The following LRRC3C variants were observed in gnomAD, a reference collection of about 807,000 sequenced individuals.
The protein encoded by LRRC3C is leucine rich repeat containing 3C.
A neutral mutation model predicts 14.8 loss-of-function variants in LRRC3C; 11 were observed. The ratio of observed to expected loss-of-function variants is 0.74; its 90% CI spans 0.47 to 1.23. The LOEUF (loss-of-function observed/expected upper bound fraction) is 1.23, where lower values mean the gene tolerates loss of function less well. LRRC3C is among the 50% of genes most tolerant of loss of function. The pLI is 0.00. For synonymous variants in LRRC3C, 149 were observed against 161.5 expected, an observed-to-expected ratio of 0.92 and a Z score of 0.59; for missense variants, 354 against 361.8, an observed-to-expected ratio of 0.98 and a Z score of 0.18.
At chr17:39,930,346 A>C (rs1271351807) in intron 1 of LRRC3C, among the ~76,000 whole-genome samples, 1 of 141,344 alleles carries the variant, frequency 7.1e-6, no homozygotes, top group Admixed American at 7.4e-5. Flanking sequence ...AAATTAAATG[A>C]TATATCAACT....
intron 3 of LRRC3C, among the ~76,000 whole-genome samples, chr17:39,941,920 G>C (rs900964828): frequency 1.3e-5 from 2 of 152,100 alleles, no homozygotes; most frequent in African/African-American, 4.8e-5. Flanking sequence ...TCCCAGCACC[G>C]AACTGGAGAT....
chr17:39,941,115 C>T (rs1196051346), intron 2 of LRRC3C, among the ~76,000 whole-genome samples: 6 of 151,292 alleles, frequency 4.0e-5, no homozygotes, highest in Non-Finnish European at 7.4e-5. Context: ...TTTGGGAGGC[C>T]GAAGTGGGTG....
rs958904279 is a variant in LRRC3C at position 39,927,763 on chromosome 17, C to T, written c.-226C>T. The T allele has an allele frequency of 4.1e-6, 4 of 985,366 alleles. No homozygotes were observed. Among genetic ancestry groups the T allele is most frequent in the Non-Finnish European group, 4.8e-6 (4 of 829,992 alleles). The allele number at this position is 985,366 out of a possible 1,614,324, so 61.0% of individuals were successfully genotyped here. The stretch of plus-strand genomic sequence containing the variant: ...CGTTCCCGGCCTCTTCGGGGACGCA[C>T]GGTTGGAAGTTGTACCGTGACGTGA... On this transcript the variant is annotated 5_prime_UTR_variant, in exon 1 of 4. The change creates a new upstream start codon in the 5' untranslated region. Transcript: ENST00000377924.
chr17:39,939,171 TGAA>T (rs1978876764), intron 2 of LRRC3C, among the ~76,000 whole-genome samples: 2 of 152,274 alleles, frequency 1.3e-5, no homozygotes, highest in African/African-American at 4.8e-5. Context: ...CAAAGGAGAT[TGAA>T]GAAGTAGGCA....
At position 39,934,246 on chromosome 17, in the gene LRRC3C, C is replaced by T. The variant is rs1469699243; in HGVS notation, c.-174-1556C>T. Among the ~76,000 whole-genome samples the T allele has an allele frequency of 1.3e-5, 2 of 152,200 alleles. 1 individual carries two copies. The highest frequency in any genetic ancestry group is 4.8e-5 in the African/African-American group (2 of 41,430). On this transcript the variant is annotated intron_variant, in intron 1 of 3. Transcript: ENST00000377924. ...GGAGGTACCTTAGGAACCCTTCAAC[C>T]TGCATATTCTTTGATATGGACAATT...
chr17:39,943,896 G>A (rs904491918), intron 3 of LRRC3C, 37 bp from the exon 4 acceptor site: 1 of 1,530,832 alleles, frequency 6.5e-7, no homozygotes, highest in South Asian at 1.2e-5. Flanking sequence ...CGATTCTCTT[G>A]ACTCACTCCT....
At chr17:39,939,023 A>G (rs1298305046) in intron 2 of LRRC3C, among the ~76,000 whole-genome samples, 12 of 151,642 alleles carry the variant, frequency 7.9e-5, no homozygotes, top group South Asian at 2.1e-4. Flanking sequence ...CTCAAAGAAA[A>G]AAAAAAAAAA....
At chr17:39,936,418 A>G (rs1029834291) in intron 2 of LRRC3C, among the ~76,000 whole-genome samples, 1 of 151,972 alleles carries the variant, frequency 6.6e-6, no homozygotes, top group African/African-American at 2.4e-5. Flanking sequence ...ATCATCTCAC[A>G]CCTAGACCTT....
intron 1 of LRRC3C, among the ~76,000 whole-genome samples, chr17:39,933,690 G>A (rs28758201): frequency 9.9e-5 from 15 of 152,100 alleles, no homozygotes; most frequent in African/African-American, 2.2e-4. Flanking sequence ...CCGAGATGGC[G>A]CCACAGCACT....
intron 3 of LRRC3C, among the ~76,000 whole-genome samples, chr17:39,943,386 T>TG (rs1168684182): frequency 6.6e-5 from 10 of 151,836 alleles, no homozygotes; most frequent in Admixed American, 2.0e-4. Context: ...GGCAGAGGGG[T>TG]GGATGCTCCC....
chr17:39,932,219 G>A (rs1978668623), intron 1 of LRRC3C, among the ~76,000 whole-genome samples: 1 of 152,114 alleles, frequency 6.6e-6, no homozygotes, highest in Non-Finnish European at 1.5e-5. Flanking sequence ...AATGAAGATG[G>A]CGATGATCAT....
intron 1 of LRRC3C, chr17:39,934,555 C>T (rs56199421): frequency 0.51 from 78,064 of 151,962 alleles, 20,493 homozygotes; most frequent in East Asian, 0.57. Flanking sequence ...TACAGAACCA[C>T]CTCCCCCTGG....
At chr17:39,927,854 G>A in intron 1 of LRRC3C, 40 bp downstream of exon 1, 1 of 985,668 alleles carries the variant, frequency 1.0e-6, no homozygotes, top group Non-Finnish European at 1.2e-6. Flanking sequence ...TGCCCTTCAA[G>A]TGTATTTTAT....
In LRRC3C at chr17:39,944,404, C is replaced by T. The variant is rs747687968; in HGVS notation, c.498C>T (p.Cys166=). The T allele has an allele frequency of 1.1e-4, 163 of 1,507,236 alleles. 1 individual carries two copies. The Middle Eastern group carries it at 1.4e-3, about 13-fold the overall frequency. 93.4% of individuals were successfully genotyped at this position (1,507,236 alleles called of 1,614,324 possible). A position where few individuals can be genotyped will look rare whatever the true frequency, so the allele number is the denominator to read the frequency against. Residue 166 remains cysteine (C), a synonymous_variant, in exon 4 of 4, where the codon TGC becomes TGT. Coordinates refer to ENST00000377924, the MANE Select transcript of LRRC3C (RefSeq NM_001195545.2). ...NLSANPWHCD[C]ALQEVLRQVR... Reference sequence around the variant, plus strand: ...CCGCAAACCCATGGCACTGTGACTGCGCCCTCCAGGAAGTGCTCCGGCAGG... The same window carrying T: ...CCGCAAACCCATGGCACTGTGACTGTGCCCTCCAGGAAGTGCTCCGGCAGG...
intron 1 of LRRC3C, among the ~76,000 whole-genome samples, chr17:39,932,794 G>A (rs556228151): frequency 2.8e-4 from 43 of 151,928 alleles, no homozygotes; most frequent in Non-Finnish European, 5.0e-4. Flanking sequence ...GCTAGCGCCT[G>A]TAATCCCAGC....
At position 39,944,398 on chromosome 17, in the gene LRRC3C, T is replaced by A; in HGVS notation, c.492T>A (p.Cys164Ter). The change falls in exon 4 of 4, where the codon TGT (cysteine) becomes TGA (stop). Residue 164 changes from cysteine (C) to a stop codon, truncating the protein, a stop_gained. Coordinates refer to ENST00000377924, the MANE Select transcript of LRRC3C (RefSeq NM_001195545.2). LOFTEE classifies it high-confidence loss of function. ...ACCTATCCGCAAACCCATGGCACTGTGACTGCGCCCTCCAGGAAGTGCTCC... is the reference window on the plus strand; with the variant it reads ...ACCTATCCGCAAACCCATGGCACTGAGACTGCGCCCTCCAGGAAGTGCTCC... ...QVNLSANPWH[C>*]DCALQEVLRQ... is the part of the protein sequence containing the mutation. The A allele has an allele frequency of 6.6e-7, 1 of 1,511,602 alleles. No homozygotes were observed. Among genetic ancestry groups the A allele is most frequent in the Non-Finnish European group, 8.8e-7 (1 of 1,134,348 alleles). 93.6% of individuals were successfully genotyped at this position (1,511,602 alleles called of 1,614,324 possible).
intron 1 of LRRC3C, among the ~76,000 whole-genome samples, chr17:39,932,828 GATC>G (rs1978687284): frequency 6.6e-6 from 1 of 151,902 alleles, no homozygotes; most frequent in African/African-American, 2.4e-5. Context: ...GAGGCAGGTG[GATC>G]ATCTGAGGTC....
At chr17:39,940,336 A>G (rs1288640205) in intron 2 of LRRC3C, among the ~76,000 whole-genome samples, 1 of 152,170 alleles carries the variant, frequency 6.6e-6, no homozygotes, top group Non-Finnish European at 1.5e-5. Context: ...GAGGTCCCAC[A>G]AGACCTCATG....
chr17:39,940,319 G>A (rs1045931171), intron 2 of LRRC3C, among the ~76,000 whole-genome samples: 7 of 152,186 alleles, frequency 4.6e-5, no homozygotes, highest in Admixed American at 1.3e-4. Flanking sequence ...ACAGGCATGC[G>A]GCTGACGAGG....
Sources: allele counts gnomAD v4.1 joint callset (sites outside exome capture counted in the v4.1 genomes callset), GRCh38; gene constraint gnomAD v4.1.1; transcripts MANE v1.5; gene names NCBI Gene and HGNC (gene_info 2026-07-23, HGNC 2026-07-21).